Variants in TNN observed in about 807,000 individuals in gnomAD.
TNN encodes the protein tenascin N.
Under a neutral mutation model 134.4 loss-of-function variants are expected in TNN, and 122 were observed. That is an observed-to-expected ratio of 0.91 (90% confidence interval 0.78 to 1.06). The LOEUF (loss-of-function observed/expected upper bound fraction) is 1.06. Ranked by LOEUF, TNN falls within the 50% of genes least tolerant of loss-of-function variation. The pLI is 0.00. For synonymous variants in TNN, 710 were observed against 670.3 expected (o/e 1.06, Z -0.91); for missense variants, 1,739 against 1,699.4 (o/e 1.02, Z -0.41).
intron 1 of TNN, among the ~76,000 whole-genome samples, chr1:175,069,896 A>T (rs1160100595): frequency 6.6e-6 from 1 of 152,218 alleles, no homozygotes; most frequent in Non-Finnish European, 1.5e-5. Flanking sequence ...TTACTTCAAT[A>T]TGTGGAAAAC....
chr1:175,067,833 G>C lies in TNN; in HGVS notation c.-138G>C. On this transcript the variant is annotated 5_prime_UTR_variant, in exon 1 of 19. Transcript: ENST00000239462. ...TAAACCCAGGAAGGGAAGCCAAGGA[G>C]AGACGAGAACCAGGGACGACCAGCA... is the stretch of plus-strand genomic sequence containing the variant. 2.1e-6 allele frequency: 1 copy of C among 487,534 alleles called. No individual in the cohort carries two copies. Among genetic ancestry groups the C allele is most frequent in the Non-Finnish European group, 4.1e-6 (1 of 244,582 alleles). 30.2% of individuals were successfully genotyped at this position (487,534 alleles called of 1,614,324 possible).
At chr1:175,095,382 C>T (rs1034106568) in intron 7 of TNN, among the ~76,000 whole-genome samples, 1 of 152,138 alleles carries the variant, frequency 6.6e-6, no homozygotes, top group African/African-American at 2.4e-5. Flanking sequence ...CAGCCACAGA[C>T]AATGATGTGT....
intron 9 of TNN, 103 bp downstream of exon 9, chr1:175,098,698 C>G: frequency 6.6e-7 from 1 of 1,524,428 alleles, no homozygotes; most frequent in Middle Eastern, 1.7e-4. Context: ...TATGGAAGAG[C>G]AGGTTGGTAT....
At chr1:175,136,735 G>T in intron 16 of TNN, 86 bp from the exon 17 acceptor site, 1 of 1,315,792 alleles carries the variant, frequency 7.6e-7, no homozygotes, top group Admixed American at 2.2e-5. Flanking sequence ...GTGACTTTAG[G>T]TTCTGAAAGC....
At chr1:175,084,075 C>T in intron 5 of TNN, 140 bp downstream of exon 5, 2 of 870,754 alleles carry the variant, frequency 2.3e-6, no homozygotes, top group Non-Finnish European at 3.4e-6. Flanking sequence ...TGAATCTGAC[C>T]CTTGAATCTG....
At chr1:175,076,316 CGGA>C (rs1425636766) in intron 1 of TNN, among the ~76,000 whole-genome samples, 4 of 152,174 alleles carry the variant, frequency 2.6e-5, no homozygotes, top group African/African-American at 9.7e-5. Context: ...CACCCATGCA[CGGA>C]TGGATTTGAG....
rs777005653 is a variant in TNN, at chr1:175,123,634, G to T, written c.2885G>T (p.Ser962Ile). ...TGGGCCCAGAAGGGGGCCCAGGAGAGCAAGAAGGCTGACACCAAGGCCCAG... is the reference window on the plus strand; with the variant it reads ...TGGGCCCAGAAGGGGGCCCAGGAGATCAAGAAGGCTGACACCAAGGCCCAG... ...HVWAQKGAQESKKADTKAQTE... is the reference protein window; with the variant it reads ...HVWAQKGAQEIKKADTKAQTE... The change falls in exon 12 of 19, where the codon AGC (serine) becomes ATC (isoleucine). Residue 962 changes from serine to isoleucine, a missense_variant. By Grantham distance (142) the Ser-to-Ile change is moderately radical. Transcript: ENST00000239462. The T allele has an allele frequency of 6.2e-7, 1 of 1,614,214 alleles. No individual in the cohort carries two copies. Among genetic ancestry groups the T allele is most frequent in the Non-Finnish European group, 8.5e-7 (1 of 1,180,042 alleles).
intron 14 of TNN, 43 bp from the exon 15 acceptor site, chr1:175,128,552 C>T: frequency 2.6e-6 from 4 of 1,557,486 alleles, no homozygotes; most frequent in East Asian, 2.4e-5. Flanking sequence ...CCTCTTTCCT[C>T]CTTGCCCTTG....
At chr1:175,088,738 T>C (rs1674374826) in intron 6 of TNN, among the ~76,000 whole-genome samples, 1 of 152,214 alleles carries the variant, frequency 6.6e-6, no homozygotes, top group Admixed American at 6.5e-5. Context: ...TCAACAAACA[T>C]TTATTGCAGG....
At position 175,079,444 on chromosome 1, in the gene TNN, C is replaced by A. The variant is rs200816440; in HGVS notation, c.521C>A (p.Ala174Glu). Reference protein sequence around the residue: ...PACERLACPGACSGHGRCVDG... With the variant: ...PACERLACPGECSGHGRCVDG... ...TGCGAGCGGCTGGCCTGCCCCGGGGCGTGCAGCGGCCACGGGCGTTGCGTG... is the reference window on the plus strand; with the variant it reads ...TGCGAGCGGCTGGCCTGCCCCGGGGAGTGCAGCGGCCACGGGCGTTGCGTG... Residue 174 changes from alanine to glutamate, a missense_variant, in exon 3 of 19, where the codon GCG becomes GAG. Coordinates refer to ENST00000239462, the MANE Select transcript of TNN (RefSeq NM_022093.2). 1.3e-6 allele frequency: 2 copies of A among 1,577,302 alleles called. No individual in the cohort carries two copies. The highest frequency in any genetic ancestry group is 2.7e-5 in the African/African-American group (2 of 73,926).
rs1226641316 is a variant in TNN, at chr1:175,144,515, C to T, written c.3724C>T (p.Pro1242Ser). Residue 1242 changes from proline to serine, a missense_variant, in exon 18 of 19, where the codon CCT becomes TCT. Pro to Ser is a moderately conservative substitution (Grantham distance 74). Coordinates refer to ENST00000239462, the MANE Select transcript of TNN (RefSeq NM_022093.2). ...GTATAAGAACTGCCACTTGGCCAAC[C>T]CTAATGGCAGATATGGGGAGACCAA... The part of the protein sequence containing the change: ...WWYKNCHLAN[P>S]NGRYGETKHS... 8 of 1,614,092 alleles carry T rather than the reference C, an allele frequency of 5.0e-6. No individual in the cohort carries two copies. The Admixed American group carries it at 1.2e-4, about 24-fold the overall frequency.
chr1:175,102,287 G>A lies in TNN; in HGVS notation c.2119+3692G>A, dbSNP rs558177265. Among the ~76,000 whole-genome samples the A allele has an allele frequency of 7.4e-4, 109 of 146,334 alleles. 12 individuals carry two copies. The highest frequency in any genetic ancestry group is 3.5e-3 in the Middle Eastern group (1 of 286). The stretch of plus-strand genomic sequence containing the variant: ...GCAGGTGGAGCTGTCTGCCAGTCCC[G>A]CGCCATGAACTTGTACTCCTCAGCC... On this transcript the variant is annotated intron_variant, in intron 9 of 18. Transcript: ENST00000239462.
chr1:175,114,266 C>T (rs549444088), intron 9 of TNN, among the ~76,000 whole-genome samples: 33 of 152,222 alleles, frequency 2.2e-4, no homozygotes, highest in Admixed American at 6.5e-4. Flanking sequence ...GGGTGGTTCA[C>T]GTAGGTTCGG....
At chr1:175,140,565 G>A (rs1207913037) in intron 17 of TNN, among the ~76,000 whole-genome samples, 1 of 152,214 alleles carries the variant, frequency 6.6e-6, no homozygotes, top group African/African-American at 2.4e-5. Flanking sequence ...GAGACTGAAA[G>A]GGAGTCAACA....
intron 9 of TNN, among the ~76,000 whole-genome samples, chr1:175,099,736 C>T (rs1366686563): frequency 6.6e-6 from 1 of 152,104 alleles, no homozygotes; most frequent in Non-Finnish European, 1.5e-5. Flanking sequence ...CGTGGAAAGT[C>T]ATGCTTGACT....
chr1:175,118,530 A>G (rs200191164), intron 10 of TNN, 31 bp from the exon 11 acceptor site: 51 of 1,610,908 alleles, frequency 3.2e-5, no homozygotes, highest in Middle Eastern at 1.6e-4. Flanking sequence ...ACCTGTTCAT[A>G]GTGCATATTG....
chr1:175,094,218 A>G lies in TNN; in HGVS notation c.1553A>G (p.Gln518Arg), dbSNP rs755986449. The G allele has an allele frequency of 6.2e-6, 10 of 1,611,482 alleles. No individual in the cohort carries two copies. Reference sequence around the variant, plus strand: ...TACGTGTGGGCTGAAAGGGGCAACCAGGGGAGCAAGAAAGCTGACACCAAT... The same window carrying G: ...TACGTGTGGGCTGAAAGGGGCAACCGGGGGAGCAAGAAAGCTGACACCAAT... ...KVYVWAERGNQGSKKADTNAL... is the reference protein window; with the variant it reads ...KVYVWAERGNRGSKKADTNAL... Residue 518 changes from glutamine (Q) to arginine (R), a missense_variant, in exon 7 of 19, where the codon CAG becomes CGG. By Grantham distance (43) the Gln-to-Arg change is conservative. Transcript: ENST00000239462.
Position 175,144,520 on chromosome 1 carries a change from T to G in TNN, c.3729T>G (p.Asn1243Lys). 6.2e-7 allele frequency: 1 copy of G among 1,614,236 alleles called. No homozygotes were observed. Among genetic ancestry groups the G allele is most frequent in the Non-Finnish European group, 8.5e-7 (1 of 1,180,044 alleles). ...WYKNCHLANP[N>K]GRYGETKHSE... Reference sequence around the variant, plus strand: ...AGAACTGCCACTTGGCCAACCCTAATGGCAGATATGGGGAGACCAAGCACA... The same window carrying G: ...AGAACTGCCACTTGGCCAACCCTAAGGGCAGATATGGGGAGACCAAGCACA... The change falls in exon 18 of 19, where the codon AAT (asparagine) becomes AAG (lysine). Residue 1243 changes from asparagine (N) to lysine (K), a missense_variant. Coordinates refer to ENST00000239462, the MANE Select transcript of TNN (RefSeq NM_022093.2).
At chr1:175,098,665 G>T in intron 9 of TNN, 70 bp downstream of exon 9, 1 of 1,599,978 alleles carries the variant, frequency 6.3e-7, no homozygotes, top group South Asian at 1.1e-5. Context: ...TTTCTTCTCT[G>T]ACCTTGGCAT....
Sources: gnomAD v4.1 joint callset for allele counts (sites outside exome capture counted in the v4.1 genomes callset) on GRCh38, gnomAD v4.1.1 for gene constraint, MANE v1.5 for transcripts, NCBI Gene and HGNC (gene_info 2026-07-23, HGNC 2026-07-21) for gene names.